Variants in CALN1 observed in about 807,000 individuals in gnomAD.
CALN1 encodes the protein calcium-binding protein 8.
In CALN1, 17 loss-of-function variants were observed where a neutral mutation model predicts 30.6. The observed-to-expected ratio is 0.56, with a 90% confidence interval of 0.38 to 0.83. The LOEUF (loss-of-function observed/expected upper bound fraction) is 0.83, where lower values mean the gene tolerates loss of function less well. Ranked by LOEUF, CALN1 falls within the 40% of genes least tolerant of loss-of-function variation. The pLI, the probability that CALN1 is intolerant of heterozygous loss-of-function variation, is 0.00. For synonymous variants in CALN1, 156 were observed against 131.4 expected, an observed-to-expected ratio of 1.19 and a Z score of -1.28; for missense variants, 291 against 354.9, an observed-to-expected ratio of 0.82 and a Z score of 1.45.
chr7:71,930,484 A>G (rs886576165), intron 5 of CALN1, among the ~76,000 whole-genome samples: 2 of 152,136 alleles, frequency 1.3e-5, no homozygotes, highest in Admixed American at 1.3e-4. Flanking sequence ...AAGCTATATG[A>G]TTTGCAAATA....
At chr7:72,102,915 A>C (rs1806780205) in intron 4 of CALN1, among the ~76,000 whole-genome samples, 1 of 151,966 alleles carries the variant, frequency 6.6e-6, no homozygotes, top group South Asian at 2.1e-4. Context: ...TGTACTAAAA[A>C]TATGAAAATT....
chr7:71,839,032 A>G (rs1352129028), intron 5 of CALN1, among the ~76,000 whole-genome samples: 1 of 151,936 alleles, frequency 6.6e-6, no homozygotes, highest in Non-Finnish European at 1.5e-5. Context: ...CTGGTCTCAA[A>G]CTCCTGGCAT....
the CALN1 span, among the ~76,000 whole-genome samples, chr7:72,454,572 AGCGATTG>A: frequency 5.9e-4 from 90 of 152,290 alleles, no homozygotes; most frequent in African/African-American, 2.0e-3. Flanking sequence ...CCTTATAGAA[AGCGATTG>A]GCAGAAAGGC....
intron 2 of CALN1, among the ~76,000 whole-genome samples, chr7:72,384,569 A>G (rs1805091947): frequency 6.6e-6 from 1 of 152,058 alleles, no homozygotes; most frequent in Non-Finnish European, 1.5e-5. Flanking sequence ...GGGAGTTCAA[A>G]GCTGCAGTAT....
chr7:72,385,820 C>CCT (rs1805177766), intron 2 of CALN1, among the ~76,000 whole-genome samples: 1 of 152,170 alleles, frequency 6.6e-6, no homozygotes, highest in African/African-American at 2.4e-5. Flanking sequence ...CCTTGCTTCC[C>CCT]CTTCACCTTC....
chr7:71,964,793 C>T (rs1258965460), intron 5 of CALN1, among the ~76,000 whole-genome samples: 1 of 152,024 alleles, frequency 6.6e-6, no homozygotes, highest in Non-Finnish European at 1.5e-5. Context: ...AATGATAAGT[C>T]TGGGCTTTGC....
chr7:71,971,941 A>AG (rs1468132212), intron 5 of CALN1, among the ~76,000 whole-genome samples: 1 of 107,122 alleles, frequency 9.3e-6, no homozygotes, highest in African/African-American at 4.2e-5. Context: ...AAAAAAAAAA[A>AG]AAAAAAAAAA....
At chr7:72,263,698 G>A (rs958114557) in intron 3 of CALN1, among the ~76,000 whole-genome samples, 6 of 152,104 alleles carry the variant, frequency 3.9e-5, no homozygotes, top group African/African-American at 9.7e-5. Context: ...TTACAGGCAC[G>A]AGCCACCATG....
chr7:72,324,125 T>A (rs1289472019), intron 2 of CALN1, among the ~76,000 whole-genome samples: 3 of 152,068 alleles, frequency 2.0e-5, no homozygotes, highest in Admixed American at 2.0e-4. Context: ...GTTCGCAAAG[T>A]TGGCTGTACA....
intron 3 of CALN1, among the ~76,000 whole-genome samples, chr7:72,151,723 G>T (rs1226859997): frequency 6.6e-6 from 1 of 151,804 alleles, no homozygotes; most frequent in Non-Finnish European, 1.5e-5. Flanking sequence ...TGTTGTTGTT[G>T]TTGTTAGAGA....
chr7:72,266,394 G>C (rs1796599322), intron 3 of CALN1, among the ~76,000 whole-genome samples: 1 of 152,300 alleles, frequency 6.6e-6, no homozygotes, highest in East Asian at 1.9e-4. Context: ...AAATATAGTT[G>C]AGAAAACCAT....
chr7:72,234,488 C>T (rs759425116), intron 3 of CALN1, among the ~76,000 whole-genome samples: 3 of 151,778 alleles, frequency 2.0e-5, no homozygotes, highest in Non-Finnish European at 4.4e-5. Context: ...GCTCTGTCAC[C>T]GAGGCTGGAA....
rs1037628402 is a variant in CALN1, at chr7:72,321,230, G to T, written c.120-42420C>A. Among the ~76,000 whole-genome samples, 11 of 152,134 alleles carry T rather than the reference G, an allele frequency of 7.2e-5. 1 individual carries two copies. The highest frequency in any genetic ancestry group is 7.2e-4 in the Admixed American group (11 of 15,262). On this transcript the variant is annotated intron_variant, in intron 2 of 6. Transcript: ENST00000395275. ...TCGCATTTATTGTCTTCATCTCAAG[G>T]CAGCTCACAAAGAGCCGGGCAGGAA... is the stretch of plus-strand genomic sequence containing the variant.
chr7:72,087,730 A>T (rs1440220542), intron 4 of CALN1, among the ~76,000 whole-genome samples: 1 of 152,222 alleles, frequency 6.6e-6, no homozygotes, highest in Non-Finnish European at 1.5e-5. Context: ...AAGAACAGCT[A>T]TGAGGGGTAT....
chr7:72,321,554 G>A (rs1273404848), intron 2 of CALN1, among the ~76,000 whole-genome samples: 3 of 152,176 alleles, frequency 2.0e-5, no homozygotes, highest in African/African-American at 7.2e-5. Context: ...GCCTACATCA[G>A]CGTCCCACCT....
chr7:72,101,565 C>T (rs1460092293), intron 4 of CALN1, among the ~76,000 whole-genome samples: 1 of 152,158 alleles, frequency 6.6e-6, no homozygotes, highest in Non-Finnish European at 1.5e-5. Flanking sequence ...CTGGATAAAA[C>T]ATCTCTATCC....
intron 5 of CALN1, among the ~76,000 whole-genome samples, chr7:71,936,506 C>A (rs967766098): frequency 2.0e-5 from 3 of 151,962 alleles, no homozygotes; most frequent in African/African-American, 7.3e-5. Flanking sequence ...ATCTTCTAGG[C>A]CCCTGGGAAA....
At chr7:71,994,862 T>G (rs1053095297) in intron 5 of CALN1, among the ~76,000 whole-genome samples, 3 of 150,856 alleles carry the variant, frequency 2.0e-5, no homozygotes, top group African/African-American at 7.3e-5. Flanking sequence ...TTTTTTTTTT[T>G]TTTTTTTCGA....
intron 3 of CALN1, among the ~76,000 whole-genome samples, chr7:72,235,548 ACT>A (rs1004853837): frequency 1.3e-5 from 2 of 151,900 alleles, no homozygotes; most frequent in Non-Finnish European, 2.9e-5. Flanking sequence ...AGTCCCACAC[ACT>A]CTGCTGTGCA....
Sources: gnomAD v4.1 joint callset for allele counts (sites outside exome capture counted in the v4.1 genomes callset) on GRCh38, gnomAD v4.1.1 for gene constraint, MANE v1.5 for transcripts, NCBI Gene and HGNC (gene_info 2026-07-23, HGNC 2026-07-21) for gene names.